Variants in NRXN3 observed in about 807,000 individuals in gnomAD.
The protein encoded by NRXN3 is neurexin III.
A neutral mutation model predicts 137.6 loss-of-function variants in NRXN3; 32 were observed. That is an observed-to-expected ratio of 0.23 (90% CI 0.18 to 0.31). NRXN3 has a LOEUF of 0.31. Among genes scored for constraint, NRXN3 ranks in the 10% least tolerant of loss-of-function variants. NRXN3 has a pLI of 1.00. For missense variants in NRXN3, 1,574 were observed against 2,062.5 expected (o/e 0.76, Z 4.59); for synonymous variants, 798 against 784.5 (o/e 1.02, Z -0.29).
At chr14:79,056,806 T>A (rs1276022636) in intron 15 of NRXN3, among the ~76,000 whole-genome samples, 1 of 152,216 alleles carries the variant, frequency 6.6e-6, no homozygotes, top group East Asian at 1.9e-4. Context: ...CAATAAGTAC[T>A]GGGACTATGG....
At chr14:79,035,528 G>A (rs557224374) in intron 15 of NRXN3, among the ~76,000 whole-genome samples, 6 of 152,170 alleles carry the variant, frequency 3.9e-5, no homozygotes, top group African/African-American at 1.4e-4. Flanking sequence ...GGTAAAATAT[G>A]CTATATACTT....
chr14:78,997,417 C>T (rs1048735940), intron 15 of NRXN3, among the ~76,000 whole-genome samples: 1 of 152,128 alleles, frequency 6.6e-6, no homozygotes, highest in African/African-American at 2.4e-5. Flanking sequence ...CAATAATCCA[C>T]TTAGAGCCTA....
chr14:78,272,189 G>A (rs1477860706), intron 2 of NRXN3, among the ~76,000 whole-genome samples: 3 of 152,096 alleles, frequency 2.0e-5, no homozygotes, highest in Non-Finnish European at 4.4e-5. Context: ...GGAGGCCAGT[G>A]GCCAGCCTCC....
At chr14:79,819,971 G>A (rs377398659) in intron 20 of NRXN3, among the ~76,000 whole-genome samples, 2 of 152,144 alleles carry the variant, frequency 1.3e-5, no homozygotes, top group East Asian at 3.9e-4. Context: ...ACCTCTGCTA[G>A]GTGTGGGCTG....
In NRXN3 at chr14:79,863,687, G is replaced by A. The variant is rs1037798930; in HGVS notation, c.*1723G>A. 1 of 152,476 alleles carries A rather than the reference G, an allele frequency of 6.6e-6. No homozygotes were observed. The highest frequency in any genetic ancestry group is 1.5e-5 in the Non-Finnish European group (1 of 68,018). The allele number at this position is 152,476 out of a possible 1,614,324, so 9.4% of individuals were successfully genotyped here. ...TTTTGTAAAGAGGAAACAATGTACA[G>A]AAAAACAATAAACTGGTTGTATGGC... On this transcript the variant is annotated 3_prime_UTR_variant, in exon 21 of 21. Coordinates refer to ENST00000335750, the MANE Select transcript of NRXN3 (RefSeq NM_001330195.2).
chr14:78,200,981 C>T (rs715108), intron 1 of NRXN3, among the ~76,000 whole-genome samples: 45,126 of 152,066 alleles, frequency 0.3, 7,369 homozygotes, highest in East Asian at 0.5. Context: ...CTTCTTCATC[C>T]GTGAAATGAG....
At chr14:78,605,936 C>T (rs1298022893) in intron 4 of NRXN3, among the ~76,000 whole-genome samples, 1 of 151,854 alleles carries the variant, frequency 6.6e-6, no homozygotes, top group East Asian at 1.9e-4. Flanking sequence ...TATAAGTGTG[C>T]GAGTGTGTAT....
rs375721416 is a variant in NRXN3 at position 78,651,346 on chromosome 14, A to G, written c.1221+20A>G. On this transcript the variant is annotated intron_variant, in intron 6 of 20. Transcript: ENST00000335750. ...AAAGAGGTAAAGTTCACCCAATTCT[A>G]TTTAATGCACCATGTGATTGTTTCA... The G allele has an allele frequency of 1.2e-6, 2 of 1,611,870 alleles. No individual in the cohort carries two copies. Among genetic ancestry groups the G allele is most frequent in the Non-Finnish European group, 1.7e-6 (2 of 1,178,312 alleles).
At chr14:78,814,343 G>A (rs886917139) in intron 10 of NRXN3, among the ~76,000 whole-genome samples, 3 of 152,188 alleles carry the variant, frequency 2.0e-5, no homozygotes, top group African/African-American at 7.2e-5. Flanking sequence ...CTGGCCGGAT[G>A]TGGTAGCTCA....
intron 15 of NRXN3, among the ~76,000 whole-genome samples, chr14:79,079,683 T>C (rs1244851664): frequency 6.6e-6 from 1 of 152,076 alleles, no homozygotes; most frequent in Non-Finnish European, 1.5e-5. Flanking sequence ...AATAGGCAGG[T>C]AAAGAGATCA....
At chr14:78,202,453 A>C (rs2061767664) in intron 1 of NRXN3, among the ~76,000 whole-genome samples, 2 of 152,152 alleles carry the variant, frequency 1.3e-5, no homozygotes, top group South Asian at 4.1e-4. Context: ...CTATAACCAG[A>C]CATGCTGCCG....
At chr14:78,546,901 G>A (rs902324967) in intron 4 of NRXN3, among the ~76,000 whole-genome samples, 1 of 152,172 alleles carries the variant, frequency 6.6e-6, no homozygotes, top group Non-Finnish European at 1.5e-5. Context: ...AAAGGTCACA[G>A]AGGAGGTCAA....
chr14:78,200,262 G>A (rs1157114407), intron 1 of NRXN3, among the ~76,000 whole-genome samples: 1 of 152,204 alleles, frequency 6.6e-6, no homozygotes, highest in Non-Finnish European at 1.5e-5. Context: ...GTTGTAGCAT[G>A]AGTGAGTTGT....
At chr14:78,491,033 G>C (rs925607008) in intron 4 of NRXN3, among the ~76,000 whole-genome samples, 1 of 152,128 alleles carries the variant, frequency 6.6e-6, no homozygotes, top group South Asian at 2.1e-4. Context: ...CACTCTCCAA[G>C]GGTGTTTCGA....
At chr14:79,086,744 A>G (rs1165622927) in intron 15 of NRXN3, among the ~76,000 whole-genome samples, 3 of 152,174 alleles carry the variant, frequency 2.0e-5, no homozygotes, top group Non-Finnish European at 2.9e-5. Flanking sequence ...CTAATATTTA[A>G]TTATAAAATT....
intron 16 of NRXN3, among the ~76,000 whole-genome samples, chr14:79,496,214 T>TTCTCTC (rs149328690): frequency 3.2e-4 from 47 of 144,726 alleles, no homozygotes; most frequent in Middle Eastern, 3.4e-3. Flanking sequence ...TTGAACTTAA[T>TTCTCTC]TCTCTCTCTC....
chr14:79,444,398 C>T (rs989570488), intron 15 of NRXN3, among the ~76,000 whole-genome samples: 4 of 152,168 alleles, frequency 2.6e-5, no homozygotes, highest in South Asian at 2.1e-4. Flanking sequence ...AATAGTTATA[C>T]GACTGCTTCG....
chr14:78,295,071 T>G (rs2076182879), intron 3 of NRXN3, among the ~76,000 whole-genome samples: 1 of 152,210 alleles, frequency 6.6e-6, no homozygotes, highest in South Asian at 2.1e-4. Flanking sequence ...GACCTGGGCA[T>G]GATGGAATTC....
At chr14:79,670,405 T>C (rs2098600570) in intron 17 of NRXN3, among the ~76,000 whole-genome samples, 1 of 152,064 alleles carries the variant, frequency 6.6e-6, no homozygotes, top group Non-Finnish European at 1.5e-5. Flanking sequence ...CCCCTGGCCC[T>C]GTCACTTGCC....
Sources: gnomAD v4.1 joint callset for allele counts (sites outside exome capture counted in the v4.1 genomes callset) on GRCh38, gnomAD v4.1.1 for gene constraint, MANE v1.5 for transcripts, NCBI Gene and HGNC (gene_info 2026-07-23, HGNC 2026-07-21) for gene names.